FSTL4: variants seen among roughly 807,000 people sequenced by gnomAD.
FSTL4 encodes follistatin like 4.
Under a neutral mutation model 78.2 loss-of-function variants are expected in FSTL4, and 28 were observed. The ratio of observed to expected loss-of-function variants is 0.36; its 90% CI spans 0.27 to 0.49. The LOEUF (loss-of-function observed/expected upper bound fraction) is 0.49, where lower values mean the gene tolerates loss of function less well. FSTL4 is among the 20% of genes least tolerant of loss of function. The pLI is 0.98. For missense variants in FSTL4, 922 were observed against 1,084.9 expected, an observed-to-expected ratio of 0.85 and a Z score of 2.11; for synonymous variants, 422 against 440.5, an observed-to-expected ratio of 0.96 and a Z score of 0.53.
intron 4 of FSTL4, among the ~76,000 whole-genome samples, chr5:133,317,434 C>T (rs1682624222): frequency 6.6e-6 from 1 of 152,224 alleles, no homozygotes. Flanking sequence ...GCCCCTCCAG[C>T]CCCACTTCCC....
At chr5:133,390,753 G>T (rs957044095) in intron 4 of FSTL4, among the ~76,000 whole-genome samples, 1 of 152,132 alleles carries the variant, frequency 6.6e-6, no homozygotes, top group Non-Finnish European at 1.5e-5. Flanking sequence ...CTCTCCCCTG[G>T]GTCACTGCCT....
intron 3 of FSTL4, among the ~76,000 whole-genome samples, chr5:133,495,827 C>T (rs180856148): frequency 5.7e-4 from 87 of 152,274 alleles, no homozygotes; most frequent in Non-Finnish European, 1.1e-3. Context: ...TCTAAATGTC[C>T]ATAGGCCATG....
At chr5:133,405,526 G>A (rs1299044806) in intron 3 of FSTL4, among the ~76,000 whole-genome samples, 3 of 152,116 alleles carry the variant, frequency 2.0e-5, no homozygotes, top group Admixed American at 1.3e-4. Flanking sequence ...GGCAGCCCTC[G>A]CCTGGGGTCA....
intron 8 of FSTL4, among the ~76,000 whole-genome samples, chr5:133,229,233 TG>T (rs1045034972): frequency 1.3e-5 from 2 of 152,180 alleles, no homozygotes; most frequent in African/African-American, 4.8e-5. Context: ...AAAAATCAGT[TG>T]GTAGGTGCCA....
intron 3 of FSTL4, among the ~76,000 whole-genome samples, chr5:133,469,332 C>A (rs12186611): frequency 0.34 from 50,962 of 152,028 alleles, 8,637 homozygotes; most frequent in East Asian, 0.46. Flanking sequence ...ACTCTGTTGG[C>A]AAGATCTGCT....
intron 4 of FSTL4, among the ~76,000 whole-genome samples, chr5:133,395,513 A>G (rs1756004822): frequency 6.6e-6 from 1 of 152,240 alleles, no homozygotes; most frequent in Non-Finnish European, 1.5e-5. Context: ...CCGCGGCTTC[A>G]TTCTCGAAGT....
At chr5:133,601,147 G>C (rs1399426801) in intron 2 of FSTL4, among the ~76,000 whole-genome samples, 2 of 152,206 alleles carry the variant, frequency 1.3e-5, no homozygotes, top group Admixed American at 6.5e-5. Flanking sequence ...TGAACCTGCT[G>C]TGCAGGGAGG....
rs146814535 is a variant in FSTL4, at chr5:133,240,795, C to T, written c.895-7258G>A. On this transcript the variant is annotated intron_variant, in intron 7 of 15. Coordinates refer to ENST00000265342, the MANE Select transcript of FSTL4 (RefSeq NM_015082.2). Reference sequence around the variant, plus strand: ...TTGCTGATTTCAGGGAGTGTGTTAGCCTAGGATGCTACCTCCTGGGAAGCC... The same window carrying T: ...TTGCTGATTTCAGGGAGTGTGTTAGTCTAGGATGCTACCTCCTGGGAAGCC... 9.9e-5 allele frequency among the ~76,000 whole-genome samples: 15 copies of T among 152,254 alleles called. No individual in the cohort carries two copies. In the East Asian group the frequency reaches 2.9e-3, roughly 29 times the overall value.
chr5:133,821,771 G>T, the FSTL4 span, among the ~76,000 whole-genome samples: 1 of 152,170 alleles, frequency 6.6e-6, no homozygotes, highest in Non-Finnish European at 1.5e-5. Context: ...AAGGATTCTT[G>T]AGCAGGATAA....
At chr5:133,254,824 G>T (rs1752344641) in intron 6 of FSTL4, among the ~76,000 whole-genome samples, 1 of 152,190 alleles carries the variant, frequency 6.6e-6, no homozygotes, top group African/African-American at 2.4e-5. Context: ...CATCCTGATG[G>T]CGAGGGTCTG....
the FSTL4 span, among the ~76,000 whole-genome samples, chr5:133,648,723 C>T: frequency 2.0e-5 from 3 of 152,142 alleles, no homozygotes; most frequent in Non-Finnish European, 4.4e-5. Context: ...CTTTTTAGAG[C>T]AGTTTTTAGG....
At chr5:133,650,271 T>C in the FSTL4 span, among the ~76,000 whole-genome samples, 8 of 152,078 alleles carry the variant, frequency 5.3e-5, no homozygotes, top group Non-Finnish European at 8.8e-5. Flanking sequence ...CAACATGAAG[T>C]TTGAGGGGAC....
the FSTL4 span, among the ~76,000 whole-genome samples, chr5:133,733,498 A>C: frequency 6.6e-6 from 1 of 152,250 alleles, no homozygotes; most frequent in Non-Finnish European, 1.5e-5. Context: ...TTTTCAGGAA[A>C]TAGAAAAGGC....
chr5:133,660,019 A>G, the FSTL4 span, among the ~76,000 whole-genome samples: 2 of 152,224 alleles, frequency 1.3e-5, no homozygotes, highest in Non-Finnish European at 2.9e-5. Context: ...GGCTTAGAGA[A>G]CGAAGCCAGG....
chr5:133,535,813 A>C (rs1306858386), intron 3 of FSTL4, among the ~76,000 whole-genome samples: 2 of 152,180 alleles, frequency 1.3e-5, no homozygotes, highest in Admixed American at 1.3e-4. Flanking sequence ...GGGGGATAGA[A>C]ATTGGGTTAG....
chr5:133,410,322 A>C (rs1333410233), intron 3 of FSTL4, among the ~76,000 whole-genome samples: 1 of 152,050 alleles, frequency 6.6e-6, no homozygotes, highest in Non-Finnish European at 1.5e-5. Context: ...TCCTTCAGGT[A>C]CTTAGCTCCT....
At chr5:133,233,869 CTGCT>C (rs752841171) in intron 7 of FSTL4, among the ~76,000 whole-genome samples, 6 of 152,192 alleles carry the variant, frequency 3.9e-5, no homozygotes, top group Non-Finnish European at 8.8e-5. Context: ...TACCGGCTGC[CTGCT>C]TGATTCTCAG....
the FSTL4 span, among the ~76,000 whole-genome samples, chr5:133,679,005 C>G: frequency 6.6e-6 from 1 of 152,170 alleles, no homozygotes; most frequent in African/African-American, 2.4e-5. Context: ...GTATAAAAAT[C>G]TGCTCAGCAA....
At chr5:133,603,032 A>C (rs1352286966) in intron 2 of FSTL4, among the ~76,000 whole-genome samples, 2 of 152,190 alleles carry the variant, frequency 1.3e-5, no homozygotes, top group East Asian at 3.8e-4. Flanking sequence ...CAATGGGAGG[A>C]AAAGTGCCCT....
Sources: gnomAD v4.1 joint callset for allele counts (sites outside exome capture counted in the v4.1 genomes callset) on GRCh38, gnomAD v4.1.1 for gene constraint, MANE v1.5 for transcripts, NCBI Gene and HGNC (gene_info 2026-07-23, HGNC 2026-07-21) for gene names.